The following LYSET variants were observed in gnomAD, a reference collection of about 807,000 sequenced individuals.
The protein encoded by LYSET is lysosomal enzyme trafficking factor, also known as GNPTAB cleavage and activity factor.
At chr14:93,186,127 C>T in the LYSET span, 6 of 808,918 alleles carry the variant, frequency 7.4e-6, no homozygotes, top group African/African-American at 8.7e-5. Flanking sequence ...CCTCAGCCTC[C>T]CAAAGTGCTG....
the LYSET span, chr14:93,187,157 C>G: frequency 1.2e-5 from 2 of 166,606 alleles, no homozygotes; most frequent in African/African-American, 4.8e-5. Context: ...AGCCAGCTGT[C>G]TAGACTTGCT....
chr14:93,186,850 GAGAT>G, the LYSET span: 1 of 585,708 alleles, frequency 1.7e-6, no homozygotes, highest in Non-Finnish European at 2.9e-6. Flanking sequence ...GGTAAAACCT[GAGAT>G]AGAGTACTAC....
At chr14:93,188,250 C>A in the LYSET span, among the ~76,000 whole-genome samples, 2 of 152,168 alleles carry the variant, frequency 1.3e-5, no homozygotes, top group East Asian at 1.9e-4. Context: ...CCACCATGGC[C>A]AGCCTATAGC....
the LYSET span, among the ~76,000 whole-genome samples, chr14:93,186,003 G>A: frequency 6.6e-6 from 1 of 151,832 alleles, no homozygotes; most frequent in Admixed American, 6.6e-5. Flanking sequence ...CGAGTAGCTG[G>A]GACTACAGGT....
the LYSET span, chr14:93,186,758 T>G: frequency 7.1e-7 from 1 of 1,409,006 alleles, no homozygotes; most frequent in Non-Finnish European, 9.5e-7. Flanking sequence ...TTCACAGATC[T>G]CAGGAAGTTG....
chr14:93,188,451 A>G, the LYSET span, among the ~76,000 whole-genome samples: 2 of 152,366 alleles, frequency 1.3e-5, no homozygotes, highest in Non-Finnish European at 2.9e-5. Flanking sequence ...AATACAAATA[A>G]CTAAAACATG....
At chr14:93,186,480 T>G in the LYSET span, 1 of 1,614,252 alleles carries the variant, frequency 6.2e-7, no homozygotes, top group Non-Finnish European at 8.5e-7. Flanking sequence ...CTTGCCTTTT[T>G]GGGTGTGGAC....
At chr14:93,186,407 G>C in the LYSET span, 4 of 1,614,194 alleles carry the variant, frequency 2.5e-6, no homozygotes, top group Non-Finnish European at 2.5e-6. Context: ...ACATTCAACA[G>C]CACCCTGAGG....
the LYSET span, chr14:93,185,264 G>A: frequency 3.1e-6 from 2 of 651,800 alleles, no homozygotes; most frequent in Non-Finnish European, 4.8e-6. Context: ...CTCCGGCGGC[G>A]GCGACGGGGG....
chr14:93,186,752 C>T, the LYSET span: 1 of 1,432,200 alleles, frequency 7.0e-7, no homozygotes, highest in Non-Finnish European at 9.4e-7. Flanking sequence ...AGTTTCTTCA[C>T]AGATCTCAGG....
chr14:93,186,090 C>T, the LYSET span, among the ~76,000 whole-genome samples: 3 of 151,946 alleles, frequency 2.0e-5, no homozygotes, highest in Admixed American at 6.6e-5. Context: ...AGGATGGTCT[C>T]TATCACCTGA....
At chr14:93,186,750 C>T in the LYSET span, 1 of 1,440,566 alleles carries the variant, frequency 6.9e-7, no homozygotes. Flanking sequence ...GCAGTTTCTT[C>T]ACAGATCTCA....
chr14:93,185,893 G>A, the LYSET span, among the ~76,000 whole-genome samples: 1 of 144,246 alleles, frequency 6.9e-6, no homozygotes, highest in Non-Finnish European at 1.5e-5. Flanking sequence ...TAATTAGACA[G>A]AGTCTCGCTC....
At chr14:93,188,170 G>C in the LYSET span, among the ~76,000 whole-genome samples, 3 of 151,816 alleles carry the variant, frequency 2.0e-5, no homozygotes, top group Non-Finnish European at 2.9e-5. Context: ...TGTTGTCCAG[G>C]CTGGTCCCGA....
the LYSET span, chr14:93,186,151 G>C: frequency 8.9e-5 from 100 of 1,126,124 alleles, no homozygotes; most frequent in African/African-American, 1.4e-3. Flanking sequence ...TTACAGGCGC[G>C]AGCCACCGCG....
the LYSET span, chr14:93,186,287 C>A: frequency 6.2e-7 from 1 of 1,613,432 alleles, no homozygotes; most frequent in African/African-American, 1.3e-5. Flanking sequence ...TGATGAACTT[C>A]CGTCAGCGGA....
chr14:93,186,580 T>G, the LYSET span: 1 of 1,614,202 alleles, frequency 6.2e-7, no homozygotes, highest in Non-Finnish European at 8.5e-7. Flanking sequence ...TACTGTATCA[T>G]CCCTATATGC....
the LYSET span, among the ~76,000 whole-genome samples, chr14:93,187,492 C>G: frequency 5.3e-5 from 8 of 151,800 alleles, no homozygotes; most frequent in Non-Finnish European, 8.8e-5. Flanking sequence ...TGAGAACGTA[C>G]GCTCCAATGC....
At chr14:93,186,237 G>A in the LYSET span, 17 of 1,595,656 alleles carry the variant, frequency 1.1e-5, no homozygotes, top group Admixed American at 8.6e-5. Context: ...GACCCTAATT[G>A]TATTTTCTTT....
Sources: gnomAD v4.1 joint callset for allele counts (sites outside exome capture counted in the v4.1 genomes callset) on GRCh38, gnomAD v4.1.1 for gene constraint, MANE v1.5 for transcripts, NCBI Gene and HGNC (gene_info 2026-07-23, HGNC 2026-07-21) for gene names.